Variants in PLEKHG1 observed in about 807,000 individuals in gnomAD.
The protein encoded by PLEKHG1 is pleckstrin homology and RhoGEF domain containing G1.
In PLEKHG1, 44 loss-of-function variants were observed where a neutral mutation model predicts 100.8. That is an observed-to-expected ratio of 0.44 (90% CI 0.34 to 0.56). PLEKHG1 has a LOEUF of 0.56. Ranked by LOEUF, PLEKHG1 falls within the 20% of genes least tolerant of loss-of-function variation. The pLI, the probability that PLEKHG1 is intolerant of heterozygous loss-of-function variation, is 0.01. For missense variants in PLEKHG1, 1,545 were observed against 1,720.9 expected (o/e 0.90, Z 1.81); for synonymous variants, 640 against 662.5 (o/e 0.97, Z 0.52).
intron 3 of PLEKHG1, among the ~76,000 whole-genome samples, chr6:150,779,215 C>T (rs1013667988): frequency 6.6e-6 from 1 of 152,104 alleles, no homozygotes; most frequent in African/African-American, 2.4e-5. Flanking sequence ...AGATGAGGTA[C>T]ACCTGGAGCC....
At chr6:150,774,604 C>T (rs978484063) in intron 3 of PLEKHG1, among the ~76,000 whole-genome samples, 5 of 139,390 alleles carry the variant, frequency 3.6e-5, no homozygotes, top group African/African-American at 1.1e-4. Flanking sequence ...GGCAATGGCA[C>T]GATCTTGGGT....
intron 2 of PLEKHG1, among the ~76,000 whole-genome samples, chr6:150,735,965 T>C (rs553447924): frequency 1.3e-5 from 2 of 152,380 alleles, no homozygotes; most frequent in Non-Finnish European, 2.9e-5. Context: ...GTAAGTTCTA[T>C]GTGAAGCTGT....
intron 1 of PLEKHG1, among the ~76,000 whole-genome samples, chr6:150,630,537 C>T (rs1453221775): frequency 6.6e-6 from 1 of 152,080 alleles, no homozygotes; most frequent in Non-Finnish European, 1.5e-5. Context: ...CAGTTGACAC[C>T]ATTTTCTGAG....
At chr6:150,703,494 G>A (rs969963106) in intron 3 of PLEKHG1, among the ~76,000 whole-genome samples, 2 of 151,732 alleles carry the variant, frequency 1.3e-5, no homozygotes, top group Admixed American at 6.6e-5. Context: ...CTAGCTACTC[G>A]TGAGGCTGAG....
At chr6:150,816,129 C>T (rs1775937891) in intron 10 of PLEKHG1, among the ~76,000 whole-genome samples, 1 of 152,086 alleles carries the variant, frequency 6.6e-6, no homozygotes, top group Non-Finnish European at 1.5e-5. Flanking sequence ...TGATGGGAGA[C>T]AGCGACACCC....
At chr6:150,730,886 G>C (rs1315203308) in intron 1 of PLEKHG1, among the ~76,000 whole-genome samples, 1 of 148,740 alleles carries the variant, frequency 6.7e-6, no homozygotes, top group Non-Finnish European at 1.5e-5. Context: ...TGGGTGACAA[G>C]AGCAAACTCT....
At chr6:150,786,419 A>G (rs754369072) in exon 4 of PLEKHG1, 1 of 1,613,268 alleles carries the variant, frequency 6.2e-7, no homozygotes, top group South Asian at 1.1e-5. Context: ...GAAAACTGTG[A>G]AAATGATCCT....
At chr6:150,835,238 C>T (rs1777165955) in intron 15 of PLEKHG1, among the ~76,000 whole-genome samples, 1 of 152,266 alleles carries the variant, frequency 6.6e-6, no homozygotes, top group South Asian at 2.1e-4. Context: ...TCCATCAGAC[C>T]TTCCTCCTGA....
rs989760812 is a variant in PLEKHG1, at chr6:150,600,203, T to TG, written c.-204+190dup. On this transcript the variant is annotated intron_variant, in intron 1 of 3. Transcript: ENST00000367326. The surrounding 1 kb of genome is among the most constrained non-coding windows in gnomAD (Gnocchi z 6.2). Reference sequence around the variant, plus strand: ...GAGGGCCTTGGGGGGCGCCGAGCGGTGGGGACAGAGGGCGCCGGGGGCACC... The same window carrying TG: ...GAGGGCCTTGGGGGGCGCCGAGCGGTGGGGGACAGAGGGCGCCGGGGGCACC... Among the ~76,000 whole-genome samples the TG allele has an allele frequency of 2.7e-5, 4 of 147,128 alleles. No homozygotes were observed. Among genetic ancestry groups the TG allele is most frequent in the African/African-American group, 1.0e-4 (4 of 39,674 alleles).
Position 150,600,263 on chromosome 6 carries a change from C to T in PLEKHG1, c.-204+246C>T, listed in dbSNP as rs1156518943. Among the ~76,000 whole-genome samples, 29 of 151,794 alleles carry T rather than the reference C, an allele frequency of 1.9e-4. No homozygotes were observed. Among genetic ancestry groups the T allele is most frequent in the African/African-American group, 6.3e-4 (26 of 41,482 alleles). ...GGACGGAGGGCGCTGGGGGGCGCCG[C>T]GTCTCGGGGGTCGGAGTCGGGTCGG... is the stretch of plus-strand genomic sequence containing the variant. On this transcript the variant is annotated intron_variant, in intron 1 of 3. Transcript: ENST00000367326. The surrounding 1 kb of genome is among the most constrained non-coding windows in gnomAD (Gnocchi z 6.2).
chr6:150,796,022 G>A (rs1786309959), intron 5 of PLEKHG1, 120 bp downstream of exon 6: 2 of 648,348 alleles, frequency 3.1e-6, no homozygotes, highest in Admixed American at 2.1e-5. Context: ...AATACTATGG[G>A]AAGAATGCAA....
At chr6:150,645,891 C>G (rs949290572) in intron 2 of PLEKHG1, among the ~76,000 whole-genome samples, 3 of 152,118 alleles carry the variant, frequency 2.0e-5, no homozygotes, top group African/African-American at 7.2e-5. Flanking sequence ...CAGATAAATA[C>G]AATGTAGAAT....
intron 4 of PLEKHG1, among the ~76,000 whole-genome samples, chr6:150,792,934 A>G (rs1786085353): frequency 6.6e-6 from 1 of 152,156 alleles, no homozygotes; most frequent in Admixed American, 6.5e-5. Flanking sequence ...AATGCTCAAG[A>G]AGGGGCTCCT....
rs147219465 is a variant in PLEKHG1, at chr6:150,640,065, C to A, written c.-158+1940C>A. Among the ~76,000 whole-genome samples, 92 of 152,378 alleles carry A rather than the reference C, an allele frequency of 6.0e-4. 1 individual carries two copies. The highest frequency in any genetic ancestry group is 1.0e-3 in the Non-Finnish European group (70 of 68,034). On this transcript the variant is annotated intron_variant, in intron 2 of 3. Transcript: ENST00000367326. ...ATCTTGGCCTTGGGCCCAAATCTTTCGATTCCAAAGCCACTGCTTTCCCTG... is the reference window on the plus strand; with the variant it reads ...ATCTTGGCCTTGGGCCCAAATCTTTAGATTCCAAAGCCACTGCTTTCCCTG...
chr6:150,731,002 G>A (rs1267790455), intron 1 of PLEKHG1, among the ~76,000 whole-genome samples: 4 of 152,138 alleles, frequency 2.6e-5, no homozygotes, highest in Admixed American at 2.0e-4. Context: ...TCCCAAGTGA[G>A]TGCCCATTTC....
In PLEKHG1 at chr6:150,841,012, G is replaced by A. The variant is rs1583233828; in HGVS notation, c.*116G>A. On this transcript the variant is annotated 3_prime_UTR_variant, in exon 16 of 16. Transcript: ENST00000358517. ...AAACAATTTTGTAAGAACCAGAGGT[G>A]TAAAATATACTTTCTTTTACAGCAC... The A allele has an allele frequency of 6.0e-6, 5 of 829,636 alleles. No individual in the cohort carries two copies. The East Asian group carries it at 1.0e-4, about 17-fold the overall frequency. The allele number at this position is 829,636 out of a possible 1,614,324, so 51.4% of individuals were successfully genotyped here.
At chr6:150,677,803 G>C (rs1779809918) in intron 3 of PLEKHG1, among the ~76,000 whole-genome samples, 1 of 151,764 alleles carries the variant, frequency 6.6e-6, no homozygotes, top group South Asian at 2.1e-4. Context: ...CTTGAGCCTG[G>C]GAGTTCAGGG....
At chr6:150,614,332 C>T (rs933618421) in intron 1 of PLEKHG1, among the ~76,000 whole-genome samples, 13 of 152,184 alleles carry the variant, frequency 8.5e-5, no homozygotes, top group African/African-American at 3.1e-4. Flanking sequence ...AGTTCACACT[C>T]ACAGAGTTGG....
At chr6:150,695,937 A>G (rs1276877909) in intron 3 of PLEKHG1, among the ~76,000 whole-genome samples, 1 of 152,238 alleles carries the variant, frequency 6.6e-6, no homozygotes, top group African/African-American at 2.4e-5. Context: ...AAGAAAGGGC[A>G]GGAAAATATA....
Sources: gnomAD v4.1 joint callset for allele counts (sites outside exome capture counted in the v4.1 genomes callset) on GRCh38, gnomAD v4.1.1 for gene constraint, Gnocchi (gnomAD v3.1) non-coding constraint, MANE v1.5 for transcripts, NCBI Gene and HGNC (gene_info 2026-07-23, HGNC 2026-07-21) for gene names.